The following TRHDE variants were observed in gnomAD, a reference collection of about 807,000 sequenced individuals.
TRHDE encodes the protein thyrotropin-releasing hormone-degrading ectoenzyme.
In TRHDE, 72 loss-of-function variants were observed where a neutral mutation model predicts 125.7. The observed-to-expected ratio is 0.57, with a 90% CI of 0.47 to 0.70. The LOEUF (loss-of-function observed/expected upper bound fraction) is 0.70. Among genes scored for constraint, TRHDE ranks in the 30% least tolerant of loss-of-function variants. The pLI, the probability that TRHDE is intolerant of heterozygous loss-of-function variation, is 0.00. For synonymous variants in TRHDE, 509 were observed against 509.1 expected (o/e 1.00, Z 0.00); for missense variants, 1,110 against 1,327.1 (o/e 0.84, Z 2.54).
At chr12:72,469,442 G>T (rs1009680925) in intron 3 of TRHDE, among the ~76,000 whole-genome samples, 1 of 152,118 alleles carries the variant, frequency 6.6e-6, no homozygotes, top group East Asian at 1.9e-4. Flanking sequence ...GCCTCTGTAG[G>T]TTCCTGCTGC....
At chr12:72,434,635 A>G (rs623405) in intron 3 of TRHDE, among the ~76,000 whole-genome samples, 62,116 of 152,000 alleles carry the variant, frequency 0.41, 15,758 homozygotes, top group African/African-American at 0.71. Flanking sequence ...CAATTTGGAG[A>G]AGCATGGACA....
rs146133762 is a variant in TRHDE, at chr12:72,261,108, AT to A, written n.280-116883del. Among the ~76,000 whole-genome samples, 617 of 152,238 alleles carry A rather than the reference AT, an allele frequency of 4.1e-3. 2 individuals are homozygous for A. Among genetic ancestry groups the A allele is most frequent in the African/African-American group, 0.014 (587 of 41,564 alleles). ...AAAGATTTAGATTAAAATTTTAGAT[AT>A]TTTCCCCCTTTCTTTCCTTTTCTTG... On this transcript the variant is annotated intron_variant and non_coding_transcript_variant, in intron 2 of 4. Coordinates refer to the TRHDE transcript ENST00000548156.
intron 2 of TRHDE, among the ~76,000 whole-genome samples, chr12:72,235,145 T>C (rs971566156): frequency 6.6e-5 from 10 of 152,108 alleles, no homozygotes; most frequent in Admixed American, 6.6e-4. Flanking sequence ...CTGGAGACAA[T>C]CTCTGGAGAA....
At chr12:72,570,578 C>CAAAAA (rs572094533) in intron 10 of TRHDE, among the ~76,000 whole-genome samples, 5 of 58,454 alleles carry the variant, frequency 8.6e-5, no homozygotes, top group Admixed American at 2.1e-4. Context: ...GAGACTGTCT[C>CAAAAA]AAAAAAAAAA....
rs1481010477 is a variant in TRHDE, at chr12:72,273,328, G to C, written c.685G>C (p.Ala229Pro). 1 of 1,614,074 alleles carries C rather than the reference G, an allele frequency of 6.2e-7. No individual in the cohort carries two copies. Among genetic ancestry groups the C allele is most frequent in the Non-Finnish European group, 8.5e-7 (1 of 1,179,972 alleles). The part of the protein sequence containing the change: ...RNATRYVVLH[A>P]SRVAVEKVQL... ...CGCCACCCGCTACGTAGTGCTGCAC[G>C]CTTCCCGAGTGGCGGTGGAGAAAGT... The change falls in exon 1 of 19, where the codon GCT becomes CCT. Residue 229 changes from alanine (A) to proline (P), a missense_variant. Physicochemically the swap from Ala to Pro is conservative, Grantham distance 27 (BLOSUM62 -1). Coordinates refer to ENST00000261180, the MANE Select transcript of TRHDE (RefSeq NM_013381.3). The surrounding 1 kb of genome is among the most constrained non-coding windows in gnomAD (Gnocchi z 5.3).
chr12:72,517,395 T>G (rs2135956904), intron 6 of TRHDE, among the ~76,000 whole-genome samples: 1 of 152,296 alleles, frequency 6.6e-6, no homozygotes, highest in African/African-American at 2.4e-5. Context: ...GTCGAGGAAT[T>G]TATCCATTTC....
rs145288566 is a variant in TRHDE, at chr12:72,331,472, C to T, written c.1188+44518C>T. Among the ~76,000 whole-genome samples, 5 of 66,922 alleles carry T rather than the reference C, an allele frequency of 7.5e-5. No individual in the cohort carries two copies. The East Asian group carries it at 9.3e-4, about 12-fold the overall frequency. 43.9% of individuals were successfully genotyped at this position (66,922 alleles called of 152,430 possible). A position where few individuals can be genotyped will look rare whatever the true frequency, so the allele number is the denominator to read the frequency against. On this transcript the variant is annotated intron_variant, in intron 2 of 18. Coordinates refer to ENST00000261180, the MANE Select transcript of TRHDE (RefSeq NM_013381.3). ...GAAAGACATTTCATTACTATGCTACCGAATGAACTAATTATTTCTGCTATG... is the reference window on the plus strand; with the variant it reads ...GAAAGACATTTCATTACTATGCTACTGAATGAACTAATTATTTCTGCTATG...
At position 72,420,837 on chromosome 12, in the gene TRHDE, A is replaced by G. The variant is rs539100468; in HGVS notation, c.1315+42716A>G. 4.6e-5 allele frequency among the ~76,000 whole-genome samples: 7 copies of G among 152,276 alleles called. 1 individual carries two copies. Among genetic ancestry groups the G allele is most frequent in the Admixed American group, 1.3e-4 (2 of 15,294 alleles). On this transcript the variant is annotated intron_variant, in intron 3 of 18. Coordinates refer to ENST00000261180, the MANE Select transcript of TRHDE (RefSeq NM_013381.3). ...ACATACTCTCAAACAAAATTCTCAA[A>G]CTTGGTTTAAAGCCTGGGCATGGCT...
chr12:72,379,360 G>A (rs905916160), intron 3 of TRHDE, among the ~76,000 whole-genome samples: 2 of 152,108 alleles, frequency 1.3e-5, no homozygotes, highest in Non-Finnish European at 2.9e-5. Context: ...TCAATGTTTT[G>A]TTTTGTTCTG....
chr12:72,186,773 A>G (rs2139345595), intron 2 of TRHDE, among the ~76,000 whole-genome samples: 1 of 152,178 alleles, frequency 6.6e-6, no homozygotes, highest in Non-Finnish European at 1.5e-5. Flanking sequence ...TTTTTATTAG[A>G]CATGGATCTT....
chr12:72,432,756 C>T (rs958180514), intron 3 of TRHDE, among the ~76,000 whole-genome samples: 2 of 152,152 alleles, frequency 1.3e-5, no homozygotes, highest in Non-Finnish European at 2.9e-5. Flanking sequence ...TGTAAAATGT[C>T]ATGTCTTTTG....
At chr12:72,433,584 C>T (rs922551367) in intron 3 of TRHDE, among the ~76,000 whole-genome samples, 3 of 151,938 alleles carry the variant, frequency 2.0e-5, no homozygotes, top group Non-Finnish European at 2.9e-5. Flanking sequence ...TCAGTAGTGA[C>T]TGAAAATTTA....
At chr12:72,592,530 G>A (rs993987317) in intron 12 of TRHDE, among the ~76,000 whole-genome samples, 4 of 151,402 alleles carry the variant, frequency 2.6e-5, no homozygotes, top group Non-Finnish European at 5.9e-5. Flanking sequence ...TATGTACTTG[G>A]TAGTTTGCAC....
intron 2 of TRHDE, among the ~76,000 whole-genome samples, chr12:72,238,597 T>C (rs1040804507): frequency 6.6e-6 from 1 of 151,044 alleles, no homozygotes; most frequent in African/African-American, 2.4e-5. Context: ...CCTGTGTCCA[T>C]GTGTTCTCCC....
At position 72,469,754 on chromosome 12, in the gene TRHDE, C is replaced by G. The variant is rs567637480; in HGVS notation, c.1316-4C>G. On this transcript the variant is annotated splice_polypyrimidine_tract_variant and splice_region_variant and intron_variant, in intron 3 of 18. Transcript: ENST00000261180. Reference sequence around the variant, plus strand: ...CCTTTGGAACTGTTTTATTTTATTTCTAGATCTTTTAGCTGTGCCTAAGCA... The same window carrying G: ...CCTTTGGAACTGTTTTATTTTATTTGTAGATCTTTTAGCTGTGCCTAAGCA... The G allele has an allele frequency of 1.2e-6, 2 of 1,613,102 alleles. No individual in the cohort carries two copies. The highest frequency in any genetic ancestry group is 4.5e-5 in the East Asian group (2 of 44,854).
intron 15 of TRHDE, among the ~76,000 whole-genome samples, chr12:72,629,656 TG>T (rs1437055964): frequency 6.6e-6 from 1 of 151,698 alleles, no homozygotes; most frequent in Non-Finnish European, 1.5e-5. Context: ...CAAAAAAATT[TG>T]CAGATTCCAA....
intron 6 of TRHDE, among the ~76,000 whole-genome samples, chr12:72,524,280 A>C (rs573697144): frequency 1.3e-5 from 2 of 152,266 alleles, no homozygotes; most frequent in South Asian, 4.1e-4. Flanking sequence ...TCAAGCAATT[A>C]TTTCCCTTAT....
chr12:72,483,012 T>C (rs1877242811), intron 5 of TRHDE, among the ~76,000 whole-genome samples: 1 of 152,020 alleles, frequency 6.6e-6, no homozygotes, highest in Non-Finnish European at 1.5e-5. Context: ...TTCTATTTAT[T>C]GCTAAGTATT....
intron 6 of TRHDE, among the ~76,000 whole-genome samples, chr12:72,506,935 T>C (rs1261033870): frequency 2.6e-5 from 4 of 152,176 alleles, no homozygotes; most frequent in Non-Finnish European, 5.9e-5. Flanking sequence ...GATTGGATCA[T>C]GGGGGCAGAT....
Sources: allele counts gnomAD v4.1 joint callset (sites outside exome capture counted in the v4.1 genomes callset), GRCh38; gene constraint gnomAD v4.1.1; non-coding constraint Gnocchi (gnomAD v3.1); transcripts MANE v1.5; gene names NCBI Gene and HGNC (gene_info 2026-07-23, HGNC 2026-07-21).